Variants in TRPM3 observed in about 807,000 individuals in gnomAD.
The protein encoded by TRPM3 is long transient receptor potential channel 3.
In TRPM3, 77 loss-of-function variants were observed where a neutral mutation model predicts 181.2. The ratio of observed to expected loss-of-function variants is 0.42; its 90% CI spans 0.35 to 0.51. The LOEUF (loss-of-function observed/expected upper bound fraction) is 0.51. Among genes scored for constraint, TRPM3 ranks in the 20% least tolerant of loss-of-function variants. The pLI is 0.01. For missense variants in TRPM3, 1,759 were observed against 2,196.7 expected (o/e 0.80, Z 3.98); for synonymous variants, 745 against 796.4 (o/e 0.94, Z 1.09).
In TRPM3 at chr9:70,598,587, G is replaced by A; in HGVS notation, c.2880C>T (p.Ala960=). Residue 960 remains alanine, a synonymous_variant, in exon 21 of 26, where the codon GCC becomes GCT. Transcript: ENST00000677713. ...QEYWNVTDLI[A]ILLFSVGMIL... ...TCATTCCGACAGAAAACAGAAGGAT[G>A]GCGATGAGGTCCGTGACATTCCAGT... 1 of 1,614,220 alleles carries A rather than the reference G, an allele frequency of 6.2e-7. No homozygotes were observed. Among genetic ancestry groups the A allele is most frequent in the Non-Finnish European group, 8.5e-7 (1 of 1,180,028 alleles).
chr9:71,426,036 C>A (rs576436429), intron 1 of TRPM3, among the ~76,000 whole-genome samples: 1 of 152,062 alleles, frequency 6.6e-6, no homozygotes, highest in East Asian at 1.9e-4. Context: ...TAATATTATA[C>A]CCCTTGTGCC....
chr9:71,273,146 GATTTA>G (rs1459006295), intron 1 of TRPM3, among the ~76,000 whole-genome samples: 1 of 152,104 alleles, frequency 6.6e-6, no homozygotes, highest in African/African-American at 2.4e-5. Flanking sequence ...AAAGTGCTGG[GATTTA>G]TGAGCCCAGC....
intron 1 of TRPM3, among the ~76,000 whole-genome samples, chr9:71,221,765 T>C (rs1488457566): frequency 6.6e-6 from 1 of 152,192 alleles, no homozygotes; most frequent in African/African-American, 2.4e-5. Context: ...CATCTGGCAA[T>C]GGCTAATTCC....
chr9:70,623,758 G>A (rs1453776668), intron 14 of TRPM3, among the ~76,000 whole-genome samples: 1 of 152,268 alleles, frequency 6.6e-6, no homozygotes, highest in Non-Finnish European at 1.5e-5. Flanking sequence ...CTGTTCTGTG[G>A]GATGAAATGG....
chr9:71,108,562 T>G (rs1369348515), intron 1 of TRPM3, among the ~76,000 whole-genome samples: 1 of 152,092 alleles, frequency 6.6e-6, no homozygotes, highest in Non-Finnish European at 1.5e-5. Context: ...GAGGATAAAC[T>G]AAGGAGACAG....
chr9:71,114,529 CT>C (rs1171600071), intron 1 of TRPM3, among the ~76,000 whole-genome samples: 1 of 152,068 alleles, frequency 6.6e-6, no homozygotes, highest in Non-Finnish European at 1.5e-5. Context: ...TATAATTATG[CT>C]TTTCCAAATG....
At chr9:70,964,369 G>T (rs1486461712) in intron 1 of TRPM3, among the ~76,000 whole-genome samples, 1 of 152,044 alleles carries the variant, frequency 6.6e-6, no homozygotes, top group Non-Finnish European at 1.5e-5. Context: ...AGAAGAACCA[G>T]AGCTTAAAAA....
chr9:71,343,707 G>A (rs1469209868), intron 1 of TRPM3, among the ~76,000 whole-genome samples: 1 of 152,070 alleles, frequency 6.6e-6, no homozygotes, highest in African/African-American at 2.4e-5. Context: ...GGAGCAGCAA[G>A]CACTCTCAGA....
intron 1 of TRPM3, among the ~76,000 whole-genome samples, chr9:71,087,330 C>G (rs2065444965): frequency 6.6e-6 from 1 of 152,008 alleles, no homozygotes; most frequent in Non-Finnish European, 1.5e-5. Context: ...CAGGAAAGTT[C>G]AAAGCTGAAT....
chr9:71,325,552 G>C (rs1034485232), intron 1 of TRPM3, among the ~76,000 whole-genome samples: 5 of 152,172 alleles, frequency 3.3e-5, no homozygotes, highest in Admixed American at 1.3e-4. Context: ...TCAGAGGTGA[G>C]AGAGGACACA....
At chr9:70,916,283 G>A (rs947981501) in intron 1 of TRPM3, among the ~76,000 whole-genome samples, 25 of 152,160 alleles carry the variant, frequency 1.6e-4, no homozygotes, top group African/African-American at 5.8e-4. Context: ...ACATTAATGA[G>A]CAATAAGAAA....
chr9:71,426,592 C>T (rs1213572462), intron 1 of TRPM3, among the ~76,000 whole-genome samples: 5 of 152,090 alleles, frequency 3.3e-5, no homozygotes, highest in Non-Finnish European at 5.9e-5. Context: ...TGGCCCCATG[C>T]TGTAATGTTC....
Position 71,329,474 on chromosome 9 carries a change from A to G in TRPM3, c.183+117179T>C, listed in dbSNP as rs748381069. ...TGAGCTGAACCTCAGGAATACAGCA[A>G]AAAGTTCAAAGGGGCCATAAAGATG... On this transcript the variant is annotated intron_variant, in intron 1 of 24. Coordinates refer to the TRPM3 transcript ENST00000357533. 2.0e-5 allele frequency among the ~76,000 whole-genome samples: 3 copies of G among 152,350 alleles called. No homozygotes were observed. The East Asian group carries it at 5.8e-4, about 29-fold the overall frequency.
intron 1 of TRPM3, among the ~76,000 whole-genome samples, chr9:71,351,252 C>G (rs2091605424): frequency 6.6e-6 from 1 of 152,138 alleles, no homozygotes; most frequent in Non-Finnish European, 1.5e-5. Context: ...TATGGCTAAC[C>G]AGCTACTATC....
intron 24 of TRPM3, 102 bp downstream of exon 24, chr9:70,552,742 G>C: frequency 8.3e-7 from 1 of 1,208,990 alleles, no homozygotes; most frequent in Admixed American, 1.7e-5. Context: ...CAGCCTGCAA[G>C]AGGTAGGAGG....
At chr9:70,782,664 C>T (rs1184831072) in intron 7 of TRPM3, among the ~76,000 whole-genome samples, 3 of 151,822 alleles carry the variant, frequency 2.0e-5, no homozygotes, top group African/African-American at 7.3e-5. Flanking sequence ...AGTAATTTAA[C>T]TAAATTTAAA....
At chr9:70,688,187 T>C (rs1180790886) in intron 8 of TRPM3, among the ~76,000 whole-genome samples, 1 of 152,180 alleles carries the variant, frequency 6.6e-6, no homozygotes, top group East Asian at 1.9e-4. Flanking sequence ...CCTGATTATA[T>C]CACTCTCCAT....
intron 1 of TRPM3, among the ~76,000 whole-genome samples, chr9:71,146,733 C>T (rs2075428639): frequency 1.3e-5 from 2 of 152,152 alleles, no homozygotes; most frequent in Non-Finnish European, 1.5e-5. Flanking sequence ...CCCATGACCA[C>T]AGCACATTGA....
At chr9:71,126,095 T>A (rs559235532), upstream of TRPM3, among the ~76,000 whole-genome samples, 1 of 152,300 alleles carries the variant, frequency 6.6e-6, no homozygotes, top group East Asian at 1.9e-4. Context: ...GGAAGACATT[T>A]ATGCAGCCAA....
Sources: allele counts gnomAD v4.1 joint callset (sites outside exome capture counted in the v4.1 genomes callset), GRCh38; gene constraint gnomAD v4.1.1; transcripts MANE v1.5; gene names NCBI Gene and HGNC (gene_info 2026-07-23, HGNC 2026-07-21).